The following COG5 variants were observed in gnomAD, a reference collection of about 807,000 sequenced individuals.
COG5 encodes the protein component of oligomeric golgi complex 5.
A neutral mutation model predicts 110.4 loss-of-function variants in COG5; 86 were observed. The ratio of observed to expected loss-of-function variants is 0.78; its 90% CI spans 0.65 to 0.93. COG5 has a LOEUF of 0.93. Ranked by LOEUF, COG5 falls within the 40% of genes least tolerant of loss-of-function variation. The pLI, the probability that COG5 is intolerant of heterozygous loss-of-function variation, is 0.00. For synonymous variants in COG5, 360 were observed against 334.6 expected, an observed-to-expected ratio of 1.08 and a Z score of -0.83; for missense variants, 1,077 against 987.0, an observed-to-expected ratio of 1.09 and a Z score of -1.22.
At chr7:107,412,359 C>T (rs1351705699) in intron 7 of COG5, 143 bp downstream of exon 7, 7 of 693,780 alleles carry the variant, frequency 1.0e-5, no homozygotes, top group Non-Finnish European at 1.7e-5. Context: ...TAACGATGAC[C>T]CATTCTTTGA....
intron 21 of COG5, among the ~76,000 whole-genome samples, chr7:107,206,179 T>G (rs567630359): frequency 3.5e-4 from 54 of 152,254 alleles, no homozygotes; most frequent in Admixed American, 1.0e-3. Flanking sequence ...GCCAGGATGG[T>G]CTCGATCTCT....
chr7:107,387,377 C>A (rs2129055311), intron 7 of COG5, among the ~76,000 whole-genome samples: 1 of 152,276 alleles, frequency 6.6e-6, no homozygotes, highest in South Asian at 2.1e-4. Context: ...AGCAGCAGCG[C>A]CTAAGCAAGT....
chr7:107,406,692 T>A (rs1791864976), intron 7 of COG5, among the ~76,000 whole-genome samples: 1 of 152,184 alleles, frequency 6.6e-6, no homozygotes, highest in Non-Finnish European at 1.5e-5. Context: ...GTTAAATTTA[T>A]CCAACCCTAT....
intron 6 of COG5, among the ~76,000 whole-genome samples, chr7:107,514,322 C>A (rs1799762924): frequency 7.4e-6 from 1 of 136,048 alleles, no homozygotes; most frequent in African/African-American, 2.8e-5. Context: ...ATAAACATGG[C>A]CTATTTTACA....
chr7:107,235,000 G>A (rs1041075438), intron 18 of COG5, among the ~76,000 whole-genome samples: 1 of 152,176 alleles, frequency 6.6e-6, no homozygotes, highest in Non-Finnish European at 1.5e-5. Flanking sequence ...TTTAATCTCT[G>A]TTTTTATGCT....
At position 107,347,796 on chromosome 7, in the gene COG5, C is replaced by T. The variant is rs575570714; in HGVS notation, c.1026+14237G>A. On this transcript the variant is annotated intron_variant, in intron 10 of 21. Coordinates refer to ENST00000297135, the MANE Select transcript of COG5 (RefSeq NM_006348.5). ...TTATTCTTCTTTTACTATGCTGGGTCAGTCCTCCAGTACAATGCAGAAAAT... is the reference window on the plus strand; with the variant it reads ...TTATTCTTCTTTTACTATGCTGGGTTAGTCCTCCAGTACAATGCAGAAAAT... 7.2e-5 allele frequency among the ~76,000 whole-genome samples: 11 copies of T among 152,144 alleles called. No individual in the cohort carries two copies. The South Asian group carries it at 2.1e-3, about 29-fold the overall frequency.
At chr7:107,383,518 T>C (rs771718445) in intron 7 of COG5, among the ~76,000 whole-genome samples, 4 of 151,880 alleles carry the variant, frequency 2.6e-5, no homozygotes, top group Non-Finnish European at 5.9e-5. Context: ...TAGGTAAGAG[T>C]GGATAATTCC....
chr7:107,510,370 T>C (rs1268164185), intron 6 of COG5, among the ~76,000 whole-genome samples: 1 of 152,214 alleles, frequency 6.6e-6, no homozygotes, highest in Admixed American at 6.5e-5. Context: ...TATATGCACC[T>C]AATACAGGAC....
At chr7:107,248,081 A>G (rs1009765773) in intron 17 of COG5, among the ~76,000 whole-genome samples, 11 of 152,204 alleles carry the variant, frequency 7.2e-5, no homozygotes, top group Non-Finnish European at 1.5e-4. Context: ...ACAAACTACC[A>G]AAAGTCCTGA....
At chr7:107,287,008 C>T (rs546064006) in intron 12 of COG5, among the ~76,000 whole-genome samples, 4 of 152,220 alleles carry the variant, frequency 2.6e-5, no homozygotes, top group Admixed American at 2.0e-4. Context: ...GAATAACATA[C>T]GAGAAGCAGG....
intron 11 of COG5, among the ~76,000 whole-genome samples, chr7:107,318,172 C>T (rs541046414): frequency 7.2e-5 from 11 of 152,140 alleles, no homozygotes; most frequent in South Asian, 2.1e-4. Flanking sequence ...GGACTACAGA[C>T]GCGTGCCACC....
chr7:107,405,026 T>C (rs192385292), intron 7 of COG5, among the ~76,000 whole-genome samples: 56 of 152,050 alleles, frequency 3.7e-4, no homozygotes, highest in African/African-American at 1.3e-3. Context: ...TCAATACAAA[T>C]TGCTTCACAA....
intron 6 of COG5, among the ~76,000 whole-genome samples, chr7:107,489,532 C>G (rs1797859374): frequency 2.0e-5 from 3 of 152,094 alleles, no homozygotes; most frequent in Non-Finnish European, 2.9e-5. Flanking sequence ...CCACCTCTAC[C>G]AGAGTACAAG....
intron 11 of COG5, among the ~76,000 whole-genome samples, chr7:107,322,617 C>T (rs1809408408): frequency 1.3e-5 from 2 of 152,116 alleles, no homozygotes; most frequent in African/African-American, 4.8e-5. Context: ...AACTATCACA[C>T]ATTGTTGATG....
chr7:107,225,511 T>C (rs969339147), intron 19 of COG5, among the ~76,000 whole-genome samples: 1 of 152,190 alleles, frequency 6.6e-6, no homozygotes, highest in Non-Finnish European at 1.5e-5. Flanking sequence ...ACAAATACTT[T>C]TATTCATTTA....
At chr7:107,507,111 C>A (rs954443023) in intron 6 of COG5, among the ~76,000 whole-genome samples, 2 of 152,120 alleles carry the variant, frequency 1.3e-5, no homozygotes, top group East Asian at 3.9e-4. Flanking sequence ...TGTCAGGTTC[C>A]CCTGTAGGGG....
At chr7:107,510,224 C>CA (rs1799393755) in intron 6 of COG5, among the ~76,000 whole-genome samples, 2 of 151,250 alleles carry the variant, frequency 1.3e-5, no homozygotes, top group South Asian at 2.1e-4. Flanking sequence ...AAATGGAAAA[C>CA]AAAAAAAGGC....
At position 107,443,699 on chromosome 7, in the gene COG5, T is replaced by C. The variant is rs1023332148; in HGVS notation, c.539-31067A>G. ...TTGTTAAAATCCTAGTCTTAATTTA[T>C]GGTGGACTCAATCTCTTCCTCTATC... On this transcript the variant is annotated intron_variant, in intron 6 of 21. Transcript: ENST00000297135. Among the ~76,000 whole-genome samples the C allele has an allele frequency of 9.2e-5, 14 of 152,208 alleles. No homozygotes were observed. In the South Asian group the frequency reaches 2.9e-3, roughly 31 times the overall value.
chr7:107,333,142 G>A (rs981287558), intron 10 of COG5, among the ~76,000 whole-genome samples: 14 of 152,130 alleles, frequency 9.2e-5, no homozygotes, highest in African/African-American at 3.1e-4. Flanking sequence ...AAATCATGTT[G>A]TGAATAAGGA....
Sources: gnomAD v4.1 joint callset for allele counts (sites outside exome capture counted in the v4.1 genomes callset) on GRCh38, gnomAD v4.1.1 for gene constraint, MANE v1.5 for transcripts, NCBI Gene and HGNC (gene_info 2026-07-23, HGNC 2026-07-21) for gene names.